Variants in ZNF805 observed in about 807,000 individuals in gnomAD.
ZNF805 encodes the protein CTC-444N24.8.
ZNF805 carries 7 observed loss-of-function variants against 13.6 expected under a neutral mutation model. The ratio of observed to expected loss-of-function variants is 0.51; its 90% confidence interval spans 0.29 to 0.97. The LOEUF is 0.97. ZNF805 is among the 50% of genes least tolerant of loss of function. The pLI, the probability that ZNF805 is intolerant of heterozygous loss-of-function variation, is 0.08. For synonymous variants in ZNF805, 293 were observed against 279.8 expected (o/e 1.05, Z -0.47); for missense variants, 604 against 771.0 (o/e 0.78, Z 2.57).
intron 1 of ZNF805, among the ~76,000 whole-genome samples, chr19:57,242,802 C>T (rs1202083635): frequency 6.6e-6 from 1 of 152,170 alleles, no homozygotes; most frequent in Non-Finnish European, 1.5e-5. Context: ...TGTAGAAATG[C>T]TTCACAACTG....
intron 1 of ZNF805, 45 bp downstream of exon 1, chr19:57,240,966 G>A: frequency 6.4e-7 from 1 of 1,550,486 alleles, no homozygotes; most frequent in Non-Finnish European, 8.7e-7. Context: ...TGCTAGTTCG[G>A]GGAAGCCTCC....
chr19:57,241,156 T>A (rs2087577561), intron 1 of ZNF805, among the ~76,000 whole-genome samples: 1 of 152,146 alleles, frequency 6.6e-6, no homozygotes, highest in African/African-American at 2.4e-5. Flanking sequence ...ACGTACAATT[T>A]TTTTGTAGCA....
At position 57,240,678 on chromosome 19, in the gene ZNF805, G is replaced by A. The variant is rs746086161; in HGVS notation, c.-214G>A. ...AGGGAGGGGGCGGTGTTCCGTGGCC[G>A]CCTCCCTGGCGGCGCTGGGGAAATG... On this transcript the variant is annotated 5_prime_UTR_variant, in exon 1 of 4. Coordinates refer to ENST00000414468, the MANE Select transcript of ZNF805 (RefSeq NM_001023563.4). The A allele has an allele frequency of 1.6e-4, 81 of 517,936 alleles. No homozygotes were observed. The highest frequency in any genetic ancestry group is 2.5e-4 in the Non-Finnish European group (72 of 291,200). The allele number at this position is 517,936 out of a possible 1,614,324, so 32.1% of individuals were successfully genotyped here. A position where few individuals can be genotyped will look rare whatever the true frequency, so the allele number is the denominator to read the frequency against.
chr19:57,253,800 G>A lies in ZNF805; in HGVS notation c.981G>A (p.Arg327=), dbSNP rs764104196. The change falls in exon 4 of 4, where the codon AGG becomes AGA. Residue 327 remains arginine (R), a synonymous_variant. Transcript: ENST00000414468. The surrounding 1 kb of genome is among the most constrained non-coding windows in gnomAD (Gnocchi z 4.4). ...AGTGTGGCAAAGCCTTTCGAGATAG[G>A]CCAGGTTTCATTCGACACTACATCA... The part of the protein sequence containing the change: ...CKECGKAFRD[R]PGFIRHYIIH... 14 of 1,613,906 alleles carry A rather than the reference G, an allele frequency of 8.7e-6. No individual in the cohort carries two copies. The highest frequency in any genetic ancestry group is 1.0e-5 in the Non-Finnish European group (12 of 1,180,004).
chr19:57,243,811 A>G lies in ZNF805; in HGVS notation c.31-112A>G, dbSNP rs112068288. ...TCCTCCTTCAGCCTGGTACAAAGTT[A>G]GGCCCTCAGGAGGCCCTCAGTGACT... On this transcript the variant is annotated intron_variant, in intron 1 of 3. Coordinates refer to ENST00000414468, the MANE Select transcript of ZNF805 (RefSeq NM_001023563.4). 989 of 1,449,138 alleles carry G rather than the reference A, an allele frequency of 6.8e-4. 6 individuals are homozygous for G. In the African/African-American group the frequency reaches 0.011, roughly 16 times the overall value. 89.8% of individuals were successfully genotyped at this position (1,449,138 alleles called of 1,614,324 possible).
chr19:57,251,754 CAA>C, intron 3 of ZNF805, among the ~76,000 whole-genome samples: 1 of 152,058 alleles, frequency 6.6e-6, no homozygotes, highest in Middle Eastern at 3.4e-3. Flanking sequence ...ATTTGGCATT[CAA>C]GTCTTTATCA....
intron 3 of ZNF805, among the ~76,000 whole-genome samples, chr19:57,251,054 A>C (rs528685906): frequency 2.4e-4 from 36 of 152,274 alleles, no homozygotes; most frequent in African/African-American, 8.7e-4. Flanking sequence ...TGAGCACTTA[A>C]TTGTTTACAT....
At chr19:57,243,230 A>G (rs1156917301) in intron 1 of ZNF805, among the ~76,000 whole-genome samples, 1 of 152,168 alleles carries the variant, frequency 6.6e-6, no homozygotes, top group African/African-American at 2.4e-5. Context: ...ACAAACAAAC[A>G]GAAAACACAA....
rs377237290 is a variant in ZNF805, at chr19:57,260,247, AG to A, written c.*5545del. Among the ~76,000 whole-genome samples, 127 of 152,238 alleles carry A rather than the reference AG, an allele frequency of 8.3e-4. No individual in the cohort carries two copies. Among genetic ancestry groups the A allele is most frequent in the African/African-American group, 2.4e-3 (98 of 41,530 alleles). Reference sequence around the variant, plus strand: ...AGTCTTTAACTTCTCCTTATTAACCAGCTTCTTTCCCATAATGTATAGCTTT... The same window carrying A: ...AGTCTTTAACTTCTCCTTATTAACCACTTCTTTCCCATAATGTATAGCTTT... On this transcript the variant is annotated 3_prime_UTR_variant, in exon 4 of 4. Coordinates refer to ENST00000414468, the MANE Select transcript of ZNF805 (RefSeq NM_001023563.4).
chr19:57,243,645 T>C (rs1230819920), intron 1 of ZNF805, among the ~76,000 whole-genome samples: 1 of 152,218 alleles, frequency 6.6e-6, no homozygotes, highest in African/African-American at 2.4e-5. Flanking sequence ...TCCTCATTTC[T>C]TTGAGGTCCT....
rs533769406 is a variant in ZNF805 at position 57,243,908 on chromosome 19, T to C, written c.31-15T>C. 6.2e-7 allele frequency: 1 copy of C among 1,614,154 alleles called. No homozygotes were observed. The highest frequency in any genetic ancestry group is 1.1e-5 in the South Asian group (1 of 91,082). On this transcript the variant is annotated splice_polypyrimidine_tract_variant and intron_variant, in intron 1 of 3. Coordinates refer to ENST00000414468, the MANE Select transcript of ZNF805 (RefSeq NM_001023563.4). Reference sequence around the variant, plus strand: ...GTCCCACAGCAAACTCTACTACCTCTATTTGACATTTCAGGTGTCTGTGAC... The same window carrying C: ...GTCCCACAGCAAACTCTACTACCTCCATTTGACATTTCAGGTGTCTGTGAC...
intron 2 of ZNF805, among the ~76,000 whole-genome samples, chr19:57,245,167 A>G (rs1323473290): frequency 6.6e-6 from 1 of 152,152 alleles, no homozygotes. Context: ...CTCTGATTCT[A>G]AAGTCACTCT....
chr19:57,248,777 T>C, intron 3 of ZNF805, 77 bp downstream of exon 3: 1 of 1,306,714 alleles, frequency 7.7e-7, no homozygotes, highest in Non-Finnish European at 1.1e-6. Context: ...CTGGGATCTC[T>C]TGGGAAGCTT....
chr19:57,240,904 T>C lies in ZNF805; in HGVS notation c.13T>C (p.Leu5=), dbSNP rs764582954. ...ACAGGGTCCCGGTATGGCGATGGCT[T>C]TGACGGACCCGGCGCAGGTGAGTGG... MAMA[L]TDPAQVSVTF... is the part of the protein sequence containing the mutation. Residue 5 remains leucine, a synonymous_variant, in exon 1 of 4, where the codon TTG becomes CTG. Transcript: ENST00000414468. The C allele has an allele frequency of 3.9e-6, 6 of 1,557,278 alleles. No homozygotes were observed. In the East Asian group the frequency reaches 1.5e-4, roughly 38 times the overall value.
intron 2 of ZNF805, among the ~76,000 whole-genome samples, chr19:57,246,761 C>T (rs1316941133): frequency 1.4e-5 from 2 of 140,848 alleles, no homozygotes; most frequent in East Asian, 4.1e-4. Flanking sequence ...GATGACAGAG[C>T]GAGACTTCGT....
intron 2 of ZNF805, 29 bp downstream of exon 2, chr19:57,244,078 G>C: frequency 6.2e-7 from 1 of 1,605,116 alleles, no homozygotes. Flanking sequence ...ACCATGCAGG[G>C]GATCTGCCAC....
At position 57,257,033 on chromosome 19, in the gene ZNF805, ATCT is replaced by A. The variant is rs1470902217; in HGVS notation, c.*2334_*2336del. Among the ~76,000 whole-genome samples the A allele has an allele frequency of 6.6e-6, 1 of 152,180 alleles. No homozygotes were observed. Among genetic ancestry groups the A allele is most frequent in the Admixed American group, 6.5e-5 (1 of 15,284 alleles). On this transcript the variant is annotated 3_prime_UTR_variant, in exon 4 of 4. Transcript: ENST00000414468. ...AAGATTGCCTGATTCCTTTTGAGACATCTTCTCTAACCCAGGAATTATTTAGAA... is the reference window on the plus strand; with the variant it reads ...AAGATTGCCTGATTCCTTTTGAGACATCTCTAACCCAGGAATTATTTAGAA...
At chr19:57,248,840 G>A in intron 3 of ZNF805, 140 bp downstream of exon 3, 1 of 790,376 alleles carries the variant, frequency 1.3e-6, no homozygotes, top group Middle Eastern at 2.3e-4. Context: ...TTAACCTGTG[G>A]TTTCTCCGTC....
At position 57,257,770 on chromosome 19, in the gene ZNF805, G is replaced by A. The variant is rs1269355636; in HGVS notation, c.*3067G>A. On this transcript the variant is annotated 3_prime_UTR_variant, in exon 4 of 4. Transcript: ENST00000414468. ...TGCCCAGGCTGGAGTGGAGTGGTGCGATCTCCGCTCACTGCAACCTCCGCC... is the reference window on the plus strand; with the variant it reads ...TGCCCAGGCTGGAGTGGAGTGGTGCAATCTCCGCTCACTGCAACCTCCGCC... Among the ~76,000 whole-genome samples, 83 of 137,316 alleles carry A rather than the reference G, an allele frequency of 6.0e-4. No individual in the cohort carries two copies. Among genetic ancestry groups the A allele is most frequent in the Admixed American group, 3.2e-4 (4 of 12,420 alleles). 90.1% of individuals were successfully genotyped at this position (137,316 alleles called of 152,430 possible). A position where few individuals can be genotyped will look rare whatever the true frequency, so the allele number is the denominator to read the frequency against.
Sources: allele counts gnomAD v4.1 joint callset (sites outside exome capture counted in the v4.1 genomes callset), GRCh38; gene constraint gnomAD v4.1.1; non-coding constraint Gnocchi (gnomAD v3.1); transcripts MANE v1.5; gene names NCBI Gene and HGNC (gene_info 2026-07-23, HGNC 2026-07-21).